The following TBC1D4 variants were observed in gnomAD, a reference collection of about 807,000 sequenced individuals.
The protein encoded by TBC1D4 is TBC1 domain family member 4.
TBC1D4 carries 121 observed loss-of-function variants against 142.5 expected under a neutral mutation model. That is an observed-to-expected ratio of 0.85 (90% CI 0.73 to 0.99). The LOEUF (loss-of-function observed/expected upper bound fraction) is 0.99, where lower values mean the gene tolerates loss of function less well. Among genes scored for constraint, TBC1D4 ranks in the 50% least tolerant of loss-of-function variants. The pLI is 0.00. For synonymous variants in TBC1D4, 630 were observed against 628.2 expected (o/e 1.00, Z -0.04); for missense variants, 1,475 against 1,606.6 (o/e 0.92, Z 1.40).
chr13:75,353,946 A>G (rs563669882), intron 4 of TBC1D4, among the ~76,000 whole-genome samples: 2 of 152,280 alleles, frequency 1.3e-5, no homozygotes, highest in South Asian at 4.1e-4. Context: ...TCTGAGTTTC[A>G]GCTGTACTAC....
intron 1 of TBC1D4, among the ~76,000 whole-genome samples, chr13:75,434,085 C>T (rs957751251): frequency 2.0e-5 from 3 of 152,126 alleles, no homozygotes; most frequent in South Asian, 2.1e-4. Context: ...GCTTAACCAT[C>T]GTGGAAAGCA....
In TBC1D4 at chr13:75,324,498, T is replaced by C; in HGVS notation, c.2034-97A>G. ...CATATAAACAGGTTCTTGCTATTAA[T>C]TTAATCTTTCCTTTCAAGGCTCAGG... is the stretch of plus-strand genomic sequence containing the variant. On this transcript the variant is annotated intron_variant, in intron 10 of 20. Transcript: ENST00000377636. 5.6e-6 allele frequency: 8 copies of C among 1,438,594 alleles called. No individual in the cohort carries two copies. The South Asian group carries it at 9.8e-5, about 18-fold the overall frequency. The allele number at this position is 1,438,594 out of a possible 1,614,324, so 89.1% of individuals were successfully genotyped here.
At chr13:75,353,462 G>A (rs1413063670) in intron 4 of TBC1D4, among the ~76,000 whole-genome samples, 3 of 152,042 alleles carry the variant, frequency 2.0e-5, no homozygotes, top group Non-Finnish European at 4.4e-5. Flanking sequence ...GACACAACAC[G>A]TAAAAGAGAC....
At chr13:75,300,898 AAT>A (rs1280731664) in intron 16 of TBC1D4, among the ~76,000 whole-genome samples, 8 of 152,186 alleles carry the variant, frequency 5.3e-5, no homozygotes, top group African/African-American at 1.9e-4. Flanking sequence ...GAAGGAAGGT[AAT>A]ATGTCTAAGA....
At chr13:75,457,829 C>T (rs556769185) in intron 1 of TBC1D4, among the ~76,000 whole-genome samples, 1 of 152,156 alleles carries the variant, frequency 6.6e-6, no homozygotes, top group African/African-American at 2.4e-5. Context: ...ATGAAGCGAG[C>T]GTTCCCTAAC....
chr13:75,301,385 T>C (rs978234709), intron 16 of TBC1D4, among the ~76,000 whole-genome samples: 12 of 152,296 alleles, frequency 7.9e-5, no homozygotes, highest in Non-Finnish European at 1.5e-4. Flanking sequence ...CTCATGCCTG[T>C]AATCCCAGCA....
In TBC1D4 at chr13:75,294,934, C is replaced by T; in HGVS notation, c.3236G>A (p.Ser1079Asn). Residue 1079 changes from serine (S) to asparagine (N), a missense_variant, in exon 18 of 21, where the codon AGC becomes AAC. This residue lies in a region of TBC1D4 where 248 missense variants were observed against 338.9 expected (regional missense o/e 0.73). Coordinates refer to ENST00000377636, the MANE Select transcript of TBC1D4 (RefSeq NM_014832.5). ...CCAGGGGGCAGCATAAAGACTGGGG[C>T]TGATTTCATTTTCTTCAAGGTGATT... ...LYNHLEENEI[S>N]PSLYAAPWFL... 1.2e-6 allele frequency: 2 copies of T among 1,613,844 alleles called. No homozygotes were observed. Among genetic ancestry groups the T allele is most frequent in the Non-Finnish European group, 1.7e-6 (2 of 1,179,882 alleles).
intron 8 of TBC1D4, among the ~76,000 whole-genome samples, chr13:75,331,338 A>G (rs1333484518): frequency 2.0e-5 from 3 of 151,960 alleles, no homozygotes; most frequent in African/African-American, 7.3e-5. Flanking sequence ...TACAAAAAAA[A>G]ATAAAAATAA....
chr13:75,374,758 G>A (rs868283965), intron 1 of TBC1D4, among the ~76,000 whole-genome samples: 2 of 151,852 alleles, frequency 1.3e-5, no homozygotes, highest in Non-Finnish European at 2.9e-5. Flanking sequence ...AAGCAAACTC[G>A]CAGCCCTCAT....
At chr13:75,341,068 A>G in intron 7 of TBC1D4, 57 bp downstream of exon 7, 2 of 1,517,276 alleles carry the variant, frequency 1.3e-6, no homozygotes, top group South Asian at 2.3e-5. Context: ...AAAGGGAAGA[A>G]TTAACAAAAT....
chr13:75,300,669 T>C (rs1876442910), intron 16 of TBC1D4, among the ~76,000 whole-genome samples: 1 of 152,220 alleles, frequency 6.6e-6, no homozygotes, highest in African/African-American at 2.4e-5. Flanking sequence ...ACTTAAAATT[T>C]TTACTAAGGA....
intron 15 of TBC1D4, among the ~76,000 whole-genome samples, chr13:75,305,710 T>C (rs1877113620): frequency 6.6e-6 from 1 of 152,228 alleles, no homozygotes; most frequent in Admixed American, 6.5e-5. Context: ...AATTTTAATA[T>C]ATTTAATCTG....
chr13:75,360,603 T>C (rs1882425591), intron 2 of TBC1D4, among the ~76,000 whole-genome samples: 1 of 151,140 alleles, frequency 6.6e-6, no homozygotes, highest in South Asian at 2.1e-4. Context: ...CAATGCTACT[T>C]CTTGCCATCA....
chr13:75,287,095 T>A, intron 20 of TBC1D4, 70 bp from the exon 21 acceptor site: 1 of 1,273,896 alleles, frequency 7.8e-7, no homozygotes, highest in Non-Finnish European at 1.1e-6. Flanking sequence ...TTACACATAT[T>A]AACCAATTAC....
At chr13:75,302,009 C>T (rs544369877) in intron 16 of TBC1D4, among the ~76,000 whole-genome samples, 2 of 152,238 alleles carry the variant, frequency 1.3e-5, no homozygotes, top group South Asian at 4.2e-4. Context: ...TATAAGATGG[C>T]TCCCTTTGCA....
At chr13:75,350,282 C>CA (rs1173853275) in intron 4 of TBC1D4, among the ~76,000 whole-genome samples, 1 of 152,146 alleles carries the variant, frequency 6.6e-6, no homozygotes, top group Admixed American at 6.5e-5. Flanking sequence ...TCCCCTTCCC[C>CA]TATGGCCTGA....
chr13:75,351,576 C>A (rs1318313250), intron 4 of TBC1D4, among the ~76,000 whole-genome samples: 2 of 138,540 alleles, frequency 1.4e-5, no homozygotes, highest in African/African-American at 5.3e-5. Flanking sequence ...CCCCTCCCCC[C>A]ACCCCACAAT....
intron 1 of TBC1D4, among the ~76,000 whole-genome samples, chr13:75,416,326 C>G (rs1885914059): frequency 6.6e-6 from 1 of 152,116 alleles, no homozygotes; most frequent in Non-Finnish European, 1.5e-5. Flanking sequence ...ATTAAAGTTT[C>G]CTTAAAAAAG....
At chr13:75,358,485 A>G (rs1439913829) in intron 3 of TBC1D4, among the ~76,000 whole-genome samples, 1 of 152,190 alleles carries the variant, frequency 6.6e-6, no homozygotes. Context: ...TTATGTCTCC[A>G]TATAATATAA....
Sources: allele counts gnomAD v4.1 joint callset (sites outside exome capture counted in the v4.1 genomes callset), GRCh38; gene constraint gnomAD v4.1.1; regional missense constraint gnomAD v4.1.1; transcripts MANE v1.5; gene names NCBI Gene and HGNC (gene_info 2026-07-23, HGNC 2026-07-21).